Variants in ABCG2 observed in about 807,000 individuals in gnomAD.
The protein encoded by ABCG2 is broad substrate specificity ATP-binding cassette transporter ABCG2.
Under a neutral mutation model 73.5 loss-of-function variants are expected in ABCG2, and 80 were observed. The observed-to-expected ratio is 1.09, with a 90% CI of 0.91 to 1.31. The LOEUF (loss-of-function observed/expected upper bound fraction) is 1.31. Ranked by LOEUF, ABCG2 falls within the 50% of genes most tolerant of loss-of-function variation. The probability of loss-of-function intolerance (pLI) is 0.00; values close to 1 mark genes in which losing one functional copy is unlikely to be tolerated. For missense variants in ABCG2, 796 were observed against 786.2 expected (o/e 1.01, Z -0.15); for synonymous variants, 269 against 282.4 (o/e 0.95, Z 0.48).
chr4:88,180,321 G>A (rs1354079629), intron 1 of ABCG2, among the ~76,000 whole-genome samples: 2 of 152,146 alleles, frequency 1.3e-5, no homozygotes, highest in Non-Finnish European at 2.9e-5. Context: ...GGTATGTCTG[G>A]AGAAAATACC....
chr4:88,205,153 T>C (rs1441275481), intron 1 of ABCG2, among the ~76,000 whole-genome samples: 2 of 152,210 alleles, frequency 1.3e-5, no homozygotes, highest in Non-Finnish European at 2.9e-5. Context: ...TGAATTCCTG[T>C]AGTTTTATTT....
At chr4:88,158,241 C>T in intron 1 of ABCG2, 145 bp downstream of exon 1, 1 of 318,398 alleles carries the variant, frequency 3.1e-6, no homozygotes, top group Non-Finnish European at 6.1e-6. Context: ...AACTGCATAC[C>T]CACTTTCAAA....
chr4:88,229,827 T>C (rs1308587388), intron 1 of ABCG2, among the ~76,000 whole-genome samples: 1 of 152,160 alleles, frequency 6.6e-6, no homozygotes. Context: ...ACATACTGCA[T>C]TTAAAGAACA....
rs539006667 is a variant in ABCG2, at chr4:88,114,274, T to C, written c.943+683A>G. Among the ~76,000 whole-genome samples, 119 of 152,362 alleles carry C rather than the reference T, an allele frequency of 7.8e-4. 1 individual carries two copies. Among genetic ancestry groups the C allele is most frequent in the Non-Finnish European group, 1.0e-3 (71 of 68,032 alleles). ...ATAGCAAACAAACTGACGTTTTCTATTTGACCTTAATTCTTTTAAAATAGA... is the reference window on the plus strand; with the variant it reads ...ATAGCAAACAAACTGACGTTTTCTACTTGACCTTAATTCTTTTAAAATAGA... On this transcript the variant is annotated intron_variant, in intron 8 of 15. Transcript: ENST00000237612.
At chr4:88,158,360 C>T (rs1727093268) in intron 1 of ABCG2, 26 bp downstream of exon 1, 1 of 366,620 alleles carries the variant, frequency 2.7e-6, no homozygotes, top group African/African-American at 2.1e-5. Flanking sequence ...ACACTCTCAG[C>T]GAAACTGGTT....
intron 1 of ABCG2, among the ~76,000 whole-genome samples, chr4:88,194,004 C>T (rs930782910): frequency 9.8e-5 from 15 of 152,304 alleles, no homozygotes; most frequent in African/African-American, 3.6e-4. Context: ...CTCGGCCTCC[C>T]AACCTAATGG....
At chr4:88,184,649 C>T (rs1578262495) in intron 1 of ABCG2, among the ~76,000 whole-genome samples, 1 of 152,106 alleles carries the variant, frequency 6.6e-6, no homozygotes, top group African/African-American at 2.4e-5. Flanking sequence ...AGATTCAATG[C>T]AATCCCCATC....
At chr4:88,119,134 C>G (rs79899550) in intron 6 of ABCG2, among the ~76,000 whole-genome samples, 6 of 152,176 alleles carry the variant, frequency 3.9e-5, no homozygotes, top group Non-Finnish European at 7.3e-5. Context: ...AAAACTCTCA[C>G]GAGATCTGAT....
intron 10 of ABCG2, among the ~76,000 whole-genome samples, chr4:88,106,262 C>G (rs1202735778): frequency 6.6e-6 from 1 of 152,036 alleles, no homozygotes; most frequent in Non-Finnish European, 1.5e-5. Context: ...CTCAGCCTCC[C>G]GAGTAGCTGG....
intron 5 of ABCG2, among the ~76,000 whole-genome samples, chr4:88,123,631 GAACA>G (rs1178990565): frequency 6.6e-6 from 1 of 151,936 alleles, no homozygotes; most frequent in Non-Finnish European, 1.5e-5. Flanking sequence ...GAATGAAAAG[GAACA>G]AACAAAGCCT....
intron 1 of ABCG2, among the ~76,000 whole-genome samples, chr4:88,156,417 A>G (rs1009313772): frequency 1.3e-5 from 2 of 151,076 alleles, no homozygotes; most frequent in Non-Finnish European, 3.0e-5. Flanking sequence ...AAGCAAGTGT[A>G]TGTCAAAGTG....
chr4:88,112,069 G>A (rs140592394), intron 9 of ABCG2, among the ~76,000 whole-genome samples: 162 of 148,868 alleles, frequency 1.1e-3, no homozygotes, highest in African/African-American at 3.7e-3. Flanking sequence ...ATGAGTGACA[G>A]AGTGAGACCC....
intron 5 of ABCG2, among the ~76,000 whole-genome samples, chr4:88,125,586 CA>C (rs1724337744): frequency 1.0e-5 from 1 of 99,808 alleles, no homozygotes; most frequent in Non-Finnish European, 1.8e-5. Context: ...CCAGCCTGGG[CA>C]ACAGAGCAAG....
intron 1 of ABCG2, 56 bp from the exon 2 acceptor site, chr4:88,140,070 A>G: frequency 1.4e-6 from 2 of 1,408,014 alleles, no homozygotes; most frequent in African/African-American, 2.9e-5. Context: ...GATTGCAAAC[A>G]CTAGGTGACA....
At chr4:88,215,170 T>C (rs955080905) in intron 1 of ABCG2, among the ~76,000 whole-genome samples, 3 of 152,108 alleles carry the variant, frequency 2.0e-5, no homozygotes, top group African/African-American at 7.2e-5. Flanking sequence ...AGAGTGTAAA[T>C]TATAAGGGTG....
Position 88,114,967 on chromosome 4 carries a change from T to G in ABCG2, c.933A>C (p.Glu311Asp), listed in dbSNP as rs942991922. 13 of 1,609,852 alleles carry G rather than the reference T, an allele frequency of 8.1e-6. No homozygotes were observed. Among genetic ancestry groups the G allele is most frequent in the South Asian group, 1.1e-5 (1 of 90,694 alleles). The change falls in exon 8 of 16, where the codon GAA becomes GAC. Residue 311 changes from glutamate to aspartate, a missense_variant. Transcript: ENST00000237612. The stretch of plus-strand genomic sequence containing the variant: ...AACAGATTCATATACCTTTAAAGTC[T>G]TCTTCTCTGTTTAATGCCACAGCAG... ...DSTAVALNREEDFKATEIIEP... is the reference protein window; with the variant it reads ...DSTAVALNREDDFKATEIIEP...
At chr4:88,189,637 G>C (rs886941325) in intron 1 of ABCG2, among the ~76,000 whole-genome samples, 1 of 151,914 alleles carries the variant, frequency 6.6e-6, no homozygotes, top group African/African-American at 2.4e-5. Context: ...TCTAATTTTC[G>C]TGTGTGGAAT....
chr4:88,131,041 T>C lies in ABCG2; in HGVS notation c.531+20A>G, dbSNP rs753768366. 6.2e-7 allele frequency: 1 copy of C among 1,613,436 alleles called. No individual in the cohort carries two copies. Among genetic ancestry groups the C allele is most frequent in the East Asian group, 2.2e-5 (1 of 44,850 alleles). On this transcript the variant is annotated intron_variant, in intron 5 of 15. Transcript: ENST00000237612. Reference sequence around the variant, plus strand: ...GTCCTACTTATGCTGATCATGATGCTTTCAGTTTTTCCACATTACCTTGGA... The same window carrying C: ...GTCCTACTTATGCTGATCATGATGCCTTCAGTTTTTCCACATTACCTTGGA...
chr4:88,095,550 C>T lies in ABCG2; in HGVS notation c.1707G>A (p.Gln569=), dbSNP rs373172401. 6.2e-7 allele frequency: 1 copy of T among 1,613,590 alleles called. No individual in the cohort carries two copies. The highest frequency in any genetic ancestry group is 1.3e-5 in the African/African-American group (1 of 74,900). The change falls in exon 14 of 16, where the codon CAG becomes CAA. Residue 569 remains glutamine (Q), a synonymous_variant. Coordinates refer to ENST00000237612, the MANE Select transcript of ABCG2 (RefSeq NM_004827.3). The stretch of plus-strand genomic sequence containing the variant: ...ATCCATATCGTGGAATGCTGAAGTA[C>T]TGAAGCCATGACAGCCAAGATGCAA... ...TTIASWLSWL[Q]YFSIPRYGFT...
Sources: gnomAD v4.1 joint callset for allele counts (sites outside exome capture counted in the v4.1 genomes callset) on GRCh38, gnomAD v4.1.1 for gene constraint, MANE v1.5 for transcripts, NCBI Gene and HGNC (gene_info 2026-07-23, HGNC 2026-07-21) for gene names.